GABRG1: variants seen among roughly 807,000 people sequenced by gnomAD.
GABRG1 encodes the protein gamma-aminobutyric acid type A receptor subunit gamma1.
Under a neutral mutation model 49.8 loss-of-function variants are expected in GABRG1, and 49 were observed. The observed-to-expected ratio is 0.98, with a 90% confidence interval of 0.78 to 1.25. GABRG1 has a LOEUF of 1.25. GABRG1 is among the 50% of genes most tolerant of loss of function. The probability of loss-of-function intolerance (pLI) is 0.00; values close to 1 mark genes in which losing one functional copy is unlikely to be tolerated. For synonymous variants in GABRG1, 232 were observed against 185.1 expected, an observed-to-expected ratio of 1.25 and a Z score of -2.06; for missense variants, 552 against 552.3, an observed-to-expected ratio of 1.00 and a Z score of 0.01.
intron 5 of GABRG1, among the ~76,000 whole-genome samples, chr4:46,061,984 T>C (rs1718709928): frequency 6.6e-6 from 1 of 150,884 alleles, no homozygotes; most frequent in Non-Finnish European, 1.5e-5. Context: ...CATTAACTCA[T>C]CATTTAGCAT....
chr4:46,117,494 A>G (rs978840174), intron 1 of GABRG1, among the ~76,000 whole-genome samples: 2 of 149,444 alleles, frequency 1.3e-5, no homozygotes, highest in African/African-American at 4.9e-5. Context: ...TATATACAAA[A>G]AATTCTACCA....
intron 1 of GABRG1, among the ~76,000 whole-genome samples, chr4:46,105,791 T>TGACAGATAGATA (rs1553883518): frequency 1.4e-5 from 2 of 144,662 alleles, no homozygotes; most frequent in East Asian, 4.2e-4. Flanking sequence ...GGTAGATAGA[T>TGACAGATAGATA]GATAGATAGA....
intron 1 of GABRG1, among the ~76,000 whole-genome samples, chr4:46,118,807 T>TAAA (rs11449834): frequency 6.6e-6 from 1 of 150,588 alleles, no homozygotes; most frequent in Admixed American, 6.6e-5. Context: ...TGTTTGAAAA[T>TAAA]AAAAAAAACT....
chr4:46,115,263 A>T (rs1720848063), intron 1 of GABRG1, among the ~76,000 whole-genome samples: 1 of 150,722 alleles, frequency 6.6e-6, no homozygotes, highest in Non-Finnish European at 1.5e-5. Context: ...AGCTTTCAAA[A>T]TAAGATCCCA....
chr4:46,041,802 T>C (rs1046122390), intron 8 of GABRG1, among the ~76,000 whole-genome samples: 1 of 152,042 alleles, frequency 6.6e-6, no homozygotes, highest in Admixed American at 6.6e-5. Flanking sequence ...TGGGAACAAT[T>C]GGTGTTCAAA....
intron 7 of GABRG1, among the ~76,000 whole-genome samples, chr4:46,053,501 A>G (rs1329825890): frequency 6.6e-6 from 1 of 151,980 alleles, no homozygotes; most frequent in African/African-American, 2.4e-5. Context: ...AACTAAATGT[A>G]CATTTTTAAA....
intron 3 of GABRG1, among the ~76,000 whole-genome samples, chr4:46,080,954 C>T (rs1244006982): frequency 6.6e-6 from 1 of 151,768 alleles, no homozygotes; most frequent in Admixed American, 6.6e-5. Flanking sequence ...GCACCTATTA[C>T]ACGTGTATAT....
At chr4:46,097,114 C>T in intron 2 of GABRG1, 87 bp downstream of exon 2, 6 of 1,181,778 alleles carry the variant, frequency 5.1e-6, no homozygotes, top group East Asian at 2.7e-5. Flanking sequence ...ATCAGACACT[C>T]AAGGAATAAG....
chr4:46,045,389 T>C (rs6447494), intron 8 of GABRG1, among the ~76,000 whole-genome samples: 76,554 of 151,756 alleles, frequency 0.5, 19,878 homozygotes, highest in African/African-American at 0.62. Context: ...ATCTGGAATA[T>C]ATGCTGAACC....
At chr4:46,118,716 T>C (rs1295412011) in intron 1 of GABRG1, among the ~76,000 whole-genome samples, 1 of 151,258 alleles carries the variant, frequency 6.6e-6, no homozygotes, top group Non-Finnish European at 1.5e-5. Context: ...ATTTACTGAA[T>C]GAATTAATAG....
At chr4:46,111,184 A>G (rs1452566897) in intron 1 of GABRG1, among the ~76,000 whole-genome samples, 1 of 151,164 alleles carries the variant, frequency 6.6e-6, no homozygotes, top group Non-Finnish European at 1.5e-5. Flanking sequence ...AAAACTCAGT[A>G]GAATTTCTAT....
intron 3 of GABRG1, among the ~76,000 whole-genome samples, chr4:46,072,835 T>G (rs1488985485): frequency 6.7e-6 from 1 of 149,226 alleles, no homozygotes; most frequent in Non-Finnish European, 1.5e-5. Flanking sequence ...AATAGAAGTG[T>G]GTTTACCTGT....
intron 3 of GABRG1, among the ~76,000 whole-genome samples, chr4:46,075,613 G>A (rs963960725): frequency 4.0e-5 from 6 of 151,878 alleles, no homozygotes; most frequent in Non-Finnish European, 5.9e-5. Flanking sequence ...TCTATCATTT[G>A]GGGTTATGAA....
chr4:46,056,379 C>T (rs1442477891), intron 7 of GABRG1, among the ~76,000 whole-genome samples: 1 of 151,942 alleles, frequency 6.6e-6, no homozygotes, highest in African/African-American at 2.4e-5. Flanking sequence ...ATGGTTCCCC[C>T]TGCCTGGAAT....
Position 46,088,062 on chromosome 4 carries a change from T to C in GABRG1, c.254-4009A>G, listed in dbSNP as rs181057814. On this transcript the variant is annotated intron_variant, in intron 2 of 8. Transcript: ENST00000295452. ...CACTTGTGGCCAGTGCTTCCAAAAATGGTCAATACAGAACAACATTTCTAT... is the reference window on the plus strand; with the variant it reads ...CACTTGTGGCCAGTGCTTCCAAAAACGGTCAATACAGAACAACATTTCTAT... Among the ~76,000 whole-genome samples, 3 of 152,190 alleles carry C rather than the reference T, an allele frequency of 2.0e-5. No homozygotes were observed. The East Asian group carries it at 5.8e-4, about 30-fold the overall frequency.
At chr4:46,059,321 G>A (rs1718579300) in intron 5 of GABRG1, among the ~76,000 whole-genome samples, 1 of 151,986 alleles carries the variant, frequency 6.6e-6, no homozygotes, top group African/African-American at 2.4e-5. Context: ...CTGGGTCATG[G>A]GTTACACATA....
chr4:46,118,243 G>GATCTATCTATCT (rs71652878), intron 1 of GABRG1, among the ~76,000 whole-genome samples: 9 of 144,540 alleles, frequency 6.2e-5, no homozygotes, highest in South Asian at 2.1e-4. Flanking sequence ...ATTACATATA[G>GATCTATCTATCT]ATCTATCTAT....
intron 3 of GABRG1, among the ~76,000 whole-genome samples, chr4:46,080,982 C>T: frequency 6.6e-6 from 1 of 151,768 alleles, no homozygotes; most frequent in East Asian, 1.9e-4. Context: ...TTTCTGTTTG[C>T]AAAAATCAGC....
At chr4:46,107,300 T>A (rs961872119) in intron 1 of GABRG1, among the ~76,000 whole-genome samples, 1 of 151,278 alleles carries the variant, frequency 6.6e-6, no homozygotes, top group Non-Finnish European at 1.5e-5. Flanking sequence ...TTTTATGAAA[T>A]CATATAAATT....
Sources: allele counts gnomAD v4.1 joint callset (sites outside exome capture counted in the v4.1 genomes callset), GRCh38; gene constraint gnomAD v4.1.1; transcripts MANE v1.5; gene names NCBI Gene and HGNC (gene_info 2026-07-23, HGNC 2026-07-21).